The following DLGAP2 variants were observed in gnomAD, a reference collection of about 807,000 sequenced individuals.
DLGAP2 encodes disks large-associated protein 2.
In DLGAP2, 26 loss-of-function variants were observed where a neutral mutation model predicts 100.3. The observed-to-expected ratio is 0.26, with a 90% CI of 0.19 to 0.36. The LOEUF is 0.36. Ranked by LOEUF, DLGAP2 falls within the 10% of genes least tolerant of loss-of-function variation. The pLI is 1.00. For synonymous variants in DLGAP2, 886 were observed against 630.1 expected, an observed-to-expected ratio of 1.41 and a Z score of -6.08; for missense variants, 1,858 against 1,453.2, an observed-to-expected ratio of 1.28 and a Z score of -4.53.
chr8:1,559,842 C>G (rs1166256807), intron 5 of DLGAP2, among the ~76,000 whole-genome samples: 3 of 152,190 alleles, frequency 2.0e-5, no homozygotes, highest in African/African-American at 7.2e-5. Flanking sequence ...GGGCCTCCTT[C>G]TGCCCCATCG....
intron 1 of DLGAP2, among the ~76,000 whole-genome samples, chr8:810,762 C>T (rs1226724283): frequency 6.6e-6 from 1 of 152,190 alleles, no homozygotes; most frequent in Non-Finnish European, 1.5e-5. Context: ...TCATCTTATC[C>T]TGTGGCTGTT....
At chr8:1,586,967 T>C (rs1252046110) in intron 6 of DLGAP2, among the ~76,000 whole-genome samples, 1 of 152,192 alleles carries the variant, frequency 6.6e-6, no homozygotes, top group Non-Finnish European at 1.5e-5. Context: ...GTCTTCCAAA[T>C]TGCTTTTTTC....
At chr8:1,156,033 G>A (rs1410788562) in intron 2 of DLGAP2, among the ~76,000 whole-genome samples, 2 of 152,280 alleles carry the variant, frequency 1.3e-5, no homozygotes, top group Middle Eastern at 3.4e-3. Context: ...CTGCTGCTGC[G>A]TCCCTGACAC....
At chr8:1,137,532 T>A (rs62486833) in intron 2 of DLGAP2, 1 of 152,100 alleles carries the variant, frequency 6.6e-6, no homozygotes. Flanking sequence ...CGAAAATGTT[T>A]AATTGACTAC....
chr8:1,359,138 C>T (rs900572402), intron 3 of DLGAP2, among the ~76,000 whole-genome samples: 6 of 152,150 alleles, frequency 3.9e-5, no homozygotes, highest in East Asian at 1.9e-4. Context: ...GGAGAACCAC[C>T]CCTCTAGGCC....
At chr8:921,987 C>T (rs900755742) in intron 2 of DLGAP2, among the ~76,000 whole-genome samples, 1 of 152,234 alleles carries the variant, frequency 6.6e-6, no homozygotes, top group Admixed American at 6.5e-5. Context: ...ATTTCTGAAA[C>T]GGCAAATATC....
intron 1 of DLGAP2, among the ~76,000 whole-genome samples, chr8:779,932 G>A (rs1821642097): frequency 6.6e-6 from 1 of 152,088 alleles, no homozygotes; most frequent in African/African-American, 2.4e-5. Flanking sequence ...TTTGATCTAT[G>A]TATACACTGG....
intron 2 of DLGAP2, among the ~76,000 whole-genome samples, chr8:1,051,925 TA>T (rs1802725556): frequency 1.3e-5 from 2 of 152,200 alleles, no homozygotes; most frequent in Non-Finnish European, 2.9e-5. Context: ...CAAATGAGCT[TA>T]AATGCACCAT....
At chr8:883,299 A>G (rs908783953) in intron 1 of DLGAP2, 3 of 152,258 alleles carry the variant, frequency 2.0e-5, no homozygotes, top group Non-Finnish European at 4.4e-5. Flanking sequence ...GCTGTGGGTG[A>G]GTCACCTGAG....
chr8:797,222 C>G (rs1409702346), intron 1 of DLGAP2, among the ~76,000 whole-genome samples: 1 of 152,214 alleles, frequency 6.6e-6, no homozygotes, highest in Non-Finnish European at 1.5e-5. Context: ...GAAGATCGCC[C>G]ACCCACCGTC....
intron 8 of DLGAP2, among the ~76,000 whole-genome samples, chr8:1,657,466 C>G (rs1309110415): frequency 6.6e-6 from 1 of 152,250 alleles, no homozygotes; most frequent in Non-Finnish European, 1.5e-5. Flanking sequence ...ATATTTTTCT[C>G]TAATGTGTAA....
chr8:1,623,713 G>A (rs1430100922), intron 6 of DLGAP2, among the ~76,000 whole-genome samples: 3 of 152,268 alleles, frequency 2.0e-5, no homozygotes, highest in Admixed American at 1.3e-4. Context: ...TTGCAGCAAT[G>A]TGCGTCTGAT....
chr8:1,537,728 TGGAAGGAA>T (rs10523091), intron 4 of DLGAP2, among the ~76,000 whole-genome samples: 33,221 of 136,392 alleles, frequency 0.24, 4,016 homozygotes, highest in Admixed American at 0.29. Context: ...GATGAAAGGA[TGGAAGGAA>T]GGAAGGAAGG....
chr8:956,382 C>T (rs1420577647), intron 2 of DLGAP2, among the ~76,000 whole-genome samples: 1 of 152,160 alleles, frequency 6.6e-6, no homozygotes, highest in Non-Finnish European at 1.5e-5. Context: ...ACGGTATTGA[C>T]AGGGTCACAG....
intron 2 of DLGAP2, among the ~76,000 whole-genome samples, chr8:1,217,899 T>A (rs1170864817): frequency 6.6e-6 from 1 of 152,206 alleles, no homozygotes; most frequent in African/African-American, 2.4e-5. Context: ...CTTGCATGTA[T>A]GTCTTCTTTT....
chr8:1,439,604 C>G (rs1008302698), intron 3 of DLGAP2, among the ~76,000 whole-genome samples: 3 of 152,036 alleles, frequency 2.0e-5, no homozygotes, highest in African/African-American at 7.2e-5. Context: ...TCCTTTTTTT[C>G]TAGACAAATA....
chr8:950,710 C>T lies in DLGAP2; in HGVS notation c.73+42744C>T, dbSNP rs528709944. 2.2e-4 allele frequency among the ~76,000 whole-genome samples: 34 copies of T among 151,308 alleles called. No individual in the cohort carries two copies. In the South Asian group the frequency reaches 7.2e-3, roughly 32 times the overall value. ...GATCTTGGCTCACTGCAACCTCCGC[C>T]TCTCGGGTTCAAGCATTTCTCCTGC... On this transcript the variant is annotated intron_variant, in intron 2 of 14. Coordinates refer to ENST00000637795, the MANE Select transcript of DLGAP2 (RefSeq NM_001346810.2).
chr8:834,556 G>A (rs1796838212), intron 1 of DLGAP2, among the ~76,000 whole-genome samples: 1 of 152,160 alleles, frequency 6.6e-6, no homozygotes, highest in African/African-American at 2.4e-5. Flanking sequence ...TTTAACTTGT[G>A]ATTGTTTTAA....
intron 2 of DLGAP2, among the ~76,000 whole-genome samples, chr8:968,095 G>A (rs1254579023): frequency 6.6e-6 from 1 of 151,188 alleles, no homozygotes; most frequent in Non-Finnish European, 1.5e-5. Flanking sequence ...CTTTCCTTTT[G>A]TGTTCCCTCA....
Sources: allele counts gnomAD v4.1 joint callset (sites outside exome capture counted in the v4.1 genomes callset), GRCh38; gene constraint gnomAD v4.1.1; transcripts MANE v1.5; gene names NCBI Gene and HGNC (gene_info 2026-07-23, HGNC 2026-07-21).